Variants in HECW2 observed in about 807,000 individuals in gnomAD.
HECW2 encodes the protein HECT, C2 and WW domain containing E3 ubiquitin protein ligase 2.
HECW2 carries 61 observed loss-of-function variants against 175.2 expected under a neutral mutation model. That is an observed-to-expected ratio of 0.35 (90% confidence interval 0.28 to 0.43). HECW2 has a LOEUF of 0.43. Among genes scored for constraint, HECW2 ranks in the 20% least tolerant of loss-of-function variants. The pLI, the probability that HECW2 is intolerant of heterozygous loss-of-function variation, is 1.00. For missense variants in HECW2, 1,524 were observed against 2,000.5 expected (o/e 0.76, Z 4.54); for synonymous variants, 671 against 731.0 (o/e 0.92, Z 1.32).
At chr2:196,418,168 G>A (rs1695305887) in intron 2 of HECW2, among the ~76,000 whole-genome samples, 1 of 150,832 alleles carries the variant, frequency 6.6e-6, no homozygotes, top group Non-Finnish European at 1.5e-5. Context: ...TCGCTCTGTT[G>A]CCCAGGCTGG....
At chr2:196,432,990 G>GA (rs1559107496) in intron 2 of HECW2, 142 bp downstream of exon 2, 24 of 727,430 alleles carry the variant, frequency 3.3e-5, no homozygotes, top group Non-Finnish European at 4.8e-5. Context: ...TCCCAAAGAA[G>GA]AAAAAAAATA....
chr2:196,546,954 A>T (rs1375387504), intron 1 of HECW2, among the ~76,000 whole-genome samples: 1 of 152,176 alleles, frequency 6.6e-6, no homozygotes, highest in Non-Finnish European at 1.5e-5. Context: ...AGGAAAAGAC[A>T]CAGAAAGAAG....
intron 1 of HECW2, among the ~76,000 whole-genome samples, chr2:196,576,308 C>T (rs1032539487): frequency 2.7e-4 from 41 of 152,238 alleles, no homozygotes; most frequent in African/African-American, 9.4e-4. Context: ...CCTAATGACA[C>T]ATTTCATAGA....
intron 2 of HECW2, among the ~76,000 whole-genome samples, chr2:196,379,733 C>CT (rs1694156385): frequency 2.0e-5 from 3 of 150,342 alleles, no homozygotes; most frequent in Middle Eastern, 3.4e-3. Flanking sequence ...TAAGGACTTT[C>CT]CTAAATATGT....
chr2:196,375,018 C>T (rs1369249241), intron 2 of HECW2, among the ~76,000 whole-genome samples: 5 of 151,478 alleles, frequency 3.3e-5, no homozygotes. Context: ...AAAAATTAGC[C>T]AGTCGTGGTG....
intron 1 of HECW2, among the ~76,000 whole-genome samples, chr2:196,527,988 A>C (rs1250700058): frequency 1.3e-5 from 2 of 152,222 alleles, no homozygotes; most frequent in Admixed American, 1.3e-4. Flanking sequence ...CTTGTTCATA[A>C]AGCCCATAAA....
intron 1 of HECW2, among the ~76,000 whole-genome samples, chr2:196,456,922 CAT>C (rs778622859): frequency 3.9e-5 from 6 of 152,288 alleles, no homozygotes; most frequent in African/African-American, 7.2e-5. Context: ...ACATCTAACA[CAT>C]GTGTGAACTA....
At chr2:196,452,369 T>A in intron 1 of HECW2, among the ~76,000 whole-genome samples, 1 of 152,192 alleles carries the variant, frequency 6.6e-6, no homozygotes, top group East Asian at 1.9e-4. Flanking sequence ...TGGCTATTTT[T>A]AAAAATTAAC....
chr2:196,402,575 T>C (rs1694850617), intron 2 of HECW2, among the ~76,000 whole-genome samples: 3 of 152,176 alleles, frequency 2.0e-5, no homozygotes, highest in African/African-American at 7.2e-5. Context: ...TTTTTGTCAG[T>C]GTGAGTGATA....
intron 2 of HECW2, among the ~76,000 whole-genome samples, chr2:196,383,315 A>G (rs1255765668): frequency 6.6e-6 from 1 of 152,192 alleles, no homozygotes; most frequent in Non-Finnish European, 1.5e-5. Flanking sequence ...GGAGATGCCA[A>G]GTCCACAGCT....
chr2:196,204,656 G>C (rs1687003223), intron 28 of HECW2, among the ~76,000 whole-genome samples: 1 of 152,214 alleles, frequency 6.6e-6, no homozygotes, highest in South Asian at 2.1e-4. Context: ...CATGAAAACA[G>C]TGAGATCATA....
chr2:196,213,199 AT>A (rs1244893393), intron 28 of HECW2, among the ~76,000 whole-genome samples: 2 of 152,152 alleles, frequency 1.3e-5, no homozygotes, highest in African/African-American at 4.8e-5. Flanking sequence ...AGTTCTTTTA[AT>A]TTTTTCCCTC....
At chr2:196,523,523 G>A (rs1490598515) in intron 1 of HECW2, among the ~76,000 whole-genome samples, 7 of 149,154 alleles carry the variant, frequency 4.7e-5, no homozygotes, top group African/African-American at 9.8e-5. Flanking sequence ...TTGAATAGGA[G>A]TGGTGAGAGA....
chr2:196,508,790 T>C (rs1430831951), intron 1 of HECW2, among the ~76,000 whole-genome samples: 1 of 152,236 alleles, frequency 6.6e-6, no homozygotes, highest in Non-Finnish European at 1.5e-5. Flanking sequence ...GAAAACTTCA[T>C]TCTTTCCTTT....
chr2:196,473,688 G>T (rs908606527), intron 1 of HECW2, among the ~76,000 whole-genome samples: 2 of 152,162 alleles, frequency 1.3e-5, no homozygotes, highest in Non-Finnish European at 2.9e-5. Flanking sequence ...TCAAGACAAA[G>T]GTTGACATAA....
rs574290946 is a variant in HECW2, at chr2:196,212,052, G to A, written c.4607+3813C>T. ...GGGTTTCACCATGTTAGCCAGGCTG[G>A]TCTCAAACTCCTGACCTCAGGCAAT... On this transcript the variant is annotated intron_variant, in intron 28 of 28. Coordinates refer to ENST00000644978, the MANE Select transcript of HECW2 (RefSeq NM_001348768.2). Among the ~76,000 whole-genome samples the A allele has an allele frequency of 2.6e-4, 40 of 152,242 alleles. 2 individuals carry two copies. Among genetic ancestry groups the A allele is most frequent in the African/African-American group, 6.7e-4 (28 of 41,550 alleles).
At chr2:196,443,180 A>G (rs1293783904) in intron 1 of HECW2, among the ~76,000 whole-genome samples, 1 of 152,204 alleles carries the variant, frequency 6.6e-6, no homozygotes, top group Non-Finnish European at 1.5e-5. Flanking sequence ...CAATTCTACC[A>G]AAACTGAAGG....
chr2:196,276,189 G>C (rs1421011129), intron 15 of HECW2, among the ~76,000 whole-genome samples: 1 of 152,216 alleles, frequency 6.6e-6, no homozygotes, highest in East Asian at 1.9e-4. Flanking sequence ...CAATCCCTCT[G>C]ATGGGCAGCA....
intron 1 of HECW2, among the ~76,000 whole-genome samples, chr2:196,520,359 T>C (rs958897995): frequency 1.3e-5 from 2 of 152,130 alleles, no homozygotes; most frequent in Non-Finnish European, 2.9e-5. Context: ...CTATAGTCTC[T>C]GTTCCAATGG....
Sources: gnomAD v4.1 joint callset for allele counts (sites outside exome capture counted in the v4.1 genomes callset) on GRCh38, gnomAD v4.1.1 for gene constraint, MANE v1.5 for transcripts, NCBI Gene and HGNC (gene_info 2026-07-23, HGNC 2026-07-21) for gene names.